Variants in SLC19A2 observed in about 807,000 individuals in gnomAD.
The protein encoded by SLC19A2 is thiamine transporter 1.
In SLC19A2, 27 loss-of-function variants were observed where a neutral mutation model predicts 44.7. That is an observed-to-expected ratio of 0.60 (90% confidence interval 0.45 to 0.83). The LOEUF (loss-of-function observed/expected upper bound fraction) is 0.83. Among genes scored for constraint, SLC19A2 ranks in the 40% least tolerant of loss-of-function variants. The probability of loss-of-function intolerance (pLI) is 0.00; values close to 1 mark genes in which losing one functional copy is unlikely to be tolerated. For synonymous variants in SLC19A2, 239 were observed against 243.6 expected (o/e 0.98, Z 0.18); for missense variants, 566 against 613.7 (o/e 0.92, Z 0.82).
chr1:169,474,087 C>T (rs1244928816), intron 2 of SLC19A2: 2 of 152,058 alleles, frequency 1.3e-5, no homozygotes, highest in Non-Finnish European at 2.9e-5. Flanking sequence ...AATAGATTTT[C>T]GTTCATTTTG....
chr1:169,481,191 TTCTC>T lies in SLC19A2; in HGVS notation c.205-3438_205-3435del, dbSNP rs527269142. Among the ~76,000 whole-genome samples the T allele has an allele frequency of 1.7e-3, 253 of 152,296 alleles. 1 individual carries two copies. The highest frequency in any genetic ancestry group is 5.6e-3 in the African/African-American group (233 of 41,548). ...CACCACGCTAAGCACTTTCTCTAAA[TTCTC>T]TCTATTTAATCCAAACCACAAACCT... On this transcript the variant is annotated intron_variant, in intron 1 of 5. Transcript: ENST00000236137.
At chr1:169,474,186 A>T (rs1658257460) in intron 2 of SLC19A2, 1 of 152,168 alleles carries the variant, frequency 6.6e-6, no homozygotes, top group Non-Finnish European at 1.5e-5. Flanking sequence ...GCTAGAAATG[A>T]CATTATTTAA....
In SLC19A2 at chr1:169,465,799, C is replaced by T; in HGVS notation, c.*50G>A. 1.9e-6 allele frequency: 3 copies of T among 1,602,872 alleles called. No homozygotes were observed. The highest frequency in any genetic ancestry group is 2.6e-6 in the Non-Finnish European group (3 of 1,172,156). ...CTTTAAAAAATCAAACACATCCAGG[C>T]AGTTGCTGTGCAGAGTTCTTGCTAT... On this transcript the variant is annotated 3_prime_UTR_variant, in exon 6 of 6. Coordinates refer to ENST00000236137, the MANE Select transcript of SLC19A2 (RefSeq NM_006996.3).
rs752104654 is a variant in SLC19A2, at chr1:169,477,719, G to GT, written c.242dup (p.Tyr81Ter). The change falls in exon 2 of 6, where the codon TAC becomes TAAC. Residue 81 changes from tyrosine to a stop codon, truncating the protein, a stop_gained and frameshift_variant. Transcript: ENST00000236137. LOFTEE classifies it high-confidence loss of function. ...GGAACACAGGAAACAGTAGCACCAG[G>GT]TAAGAGTAAGTCCATACTGGATAAA... ...NEIYPVWTYS[Y>*]LVLLFPVFLA... The GT allele has an allele frequency of 4.3e-6, 7 of 1,611,552 alleles. No individual in the cohort carries two copies. The South Asian group carries it at 4.4e-5, about 10-fold the overall frequency.
rs763183040 is a variant in SLC19A2, at chr1:169,468,743, G to A, written c.1124C>T (p.Ala375Val). The A allele has an allele frequency of 8.7e-6, 14 of 1,613,662 alleles. No homozygotes were observed. In the East Asian group the frequency reaches 2.7e-4, roughly 31 times the overall value. ...CACAGTGTCCATGATATACACTGCA[G>A]CAGCAATCAGGAGAGAAAAGAGAGA... is the stretch of plus-strand genomic sequence containing the variant. ...TLSLFSLLIAAAVYIMDTVGN... is the reference protein window; with the variant it reads ...TLSLFSLLIAVAVYIMDTVGN... The change falls in exon 4 of 6, where the codon GCT becomes GTT. Residue 375 changes from alanine to valine, a missense_variant. By Grantham distance (64) the Ala-to-Val change is moderately conservative (BLOSUM62 0). Transcript: ENST00000236137.
chr1:169,473,188 TC>T (rs1658228637), intron 2 of SLC19A2, among the ~76,000 whole-genome samples: 1 of 152,160 alleles, frequency 6.6e-6, no homozygotes, highest in Admixed American at 6.6e-5. Flanking sequence ...AATGGAAGTT[TC>T]TACTGTAGTG....
chr1:169,482,520 A>C (rs1393847371), intron 1 of SLC19A2, among the ~76,000 whole-genome samples: 2 of 152,330 alleles, frequency 1.3e-5, no homozygotes, highest in East Asian at 3.9e-4. Context: ...CAGCCTGGGC[A>C]ACAGAGCAAG....
chr1:169,471,391 A>G (rs1658172969), intron 2 of SLC19A2, among the ~76,000 whole-genome samples: 1 of 151,420 alleles, frequency 6.6e-6, no homozygotes, highest in South Asian at 2.1e-4. Context: ...ACACTTCAGG[A>G]GGCCGTGGCA....
At chr1:169,472,666 C>T (rs1258308582) in intron 2 of SLC19A2, among the ~76,000 whole-genome samples, 1 of 152,158 alleles carries the variant, frequency 6.6e-6, no homozygotes, top group Non-Finnish European at 1.5e-5. Context: ...GAATTCCACA[C>T]ACAGAGGTTA....
intron 1 of SLC19A2, among the ~76,000 whole-genome samples, chr1:169,484,314 G>C (rs544107315): frequency 1.3e-5 from 2 of 152,302 alleles, no homozygotes; most frequent in South Asian, 4.1e-4. Flanking sequence ...AATGATTCCG[G>C]TAGTGCCATC....
intron 5 of SLC19A2, among the ~76,000 whole-genome samples, chr1:169,467,053 C>T (rs1339978300): frequency 1.3e-5 from 2 of 152,136 alleles, no homozygotes; most frequent in African/African-American, 2.4e-5. Context: ...TATTATTCCA[C>T]GTGTTTAAAT....
At chr1:169,470,759 T>C (rs746480368) in intron 2 of SLC19A2, among the ~76,000 whole-genome samples, 1 of 152,122 alleles carries the variant, frequency 6.6e-6, no homozygotes, top group Non-Finnish European at 1.5e-5. Context: ...TATAATAAAG[T>C]AATAAATAAA....
intron 5 of SLC19A2, among the ~76,000 whole-genome samples, chr1:169,466,346 T>C (rs1008509862): frequency 3.9e-5 from 6 of 152,016 alleles, no homozygotes; most frequent in Admixed American, 1.3e-4. Flanking sequence ...TTACTTTTAT[T>C]GTTGTTGCTG....
At position 169,468,787 on chromosome 1, in the gene SLC19A2, A is replaced by G. The variant is rs3737682; in HGVS notation, c.1080T>C (p.Thr360=). The G allele has an allele frequency of 3.4e-3, 5,547 of 1,613,946 alleles. 207 individuals are homozygous for G. In the East Asian group the frequency reaches 0.089, roughly 26 times the overall value. ...AVGYIKISWS[T]WGEMTLSLFS... ...AGAGAGATAATGTCATTTCTCCCCA[A>G]GTTGACCAGGATATTTTTATATAAC... is the stretch of plus-strand genomic sequence containing the variant. Residue 360 remains threonine, a synonymous_variant, in exon 4 of 6, where the codon ACT becomes ACC. Transcript: ENST00000236137.
In SLC19A2 at chr1:169,477,209, C is replaced by A. The variant is rs202049979; in HGVS notation, c.753G>T (p.Glu251Asp). 2.5e-6 allele frequency: 4 copies of A among 1,614,038 alleles called. No homozygotes were observed. Among genetic ancestry groups the A allele is most frequent in the Non-Finnish European group, 2.5e-6 (3 of 1,179,982 alleles). ...TTAGAGGGATTTTTGACTCAATGTCCTCCCAGCCAGGAAGGTGGTTAGAAG... is the reference window on the plus strand; with the variant it reads ...TTAGAGGGATTTTTGACTCAATGTCATCCCAGCCAGGAAGGTGGTTAGAAG... ...TPASNHLPGW[E>D]DIESKIPLNM... is the part of the protein sequence containing the mutation. Residue 251 changes from glutamate (E) to aspartate (D), a missense_variant, in exon 2 of 6, where the codon GAG becomes GAT. Physicochemically the swap from Glu to Asp is conservative, Grantham distance 45. Transcript: ENST00000236137.
intron 2 of SLC19A2, among the ~76,000 whole-genome samples, chr1:169,473,537 T>C (rs1169125019): frequency 1.3e-5 from 2 of 152,030 alleles, no homozygotes; most frequent in African/African-American, 2.4e-5. Context: ...TGAGTCACCA[T>C]GCCCAGCCTG....
chr1:169,466,826 C>T (rs912661489), intron 5 of SLC19A2, among the ~76,000 whole-genome samples: 2 of 151,960 alleles, frequency 1.3e-5, no homozygotes, highest in African/African-American at 4.8e-5. Context: ...GGATGATGCC[C>T]TAAGCGAAAT....
intron 1 of SLC19A2, among the ~76,000 whole-genome samples, chr1:169,479,143 C>T (rs1284311576): frequency 2.0e-5 from 3 of 152,152 alleles, no homozygotes; most frequent in Non-Finnish European, 4.4e-5. Context: ...TACTTCTAGA[C>T]ACAAGATAGG....
intron 2 of SLC19A2, among the ~76,000 whole-genome samples, chr1:169,475,003 T>C (rs146807832): frequency 6.6e-6 from 1 of 152,314 alleles, no homozygotes; most frequent in Non-Finnish European, 1.5e-5. Context: ...TTCAAGAGTA[T>C]ATTTGTACAA....
Sources: gnomAD v4.1 joint callset for allele counts (sites outside exome capture counted in the v4.1 genomes callset) on GRCh38, gnomAD v4.1.1 for gene constraint, MANE v1.5 for transcripts, NCBI Gene and HGNC (gene_info 2026-07-23, HGNC 2026-07-21) for gene names.